PKHD1: variants seen among roughly 807,000 people sequenced by gnomAD.
PKHD1 encodes fibrocystin.
In PKHD1, 291 loss-of-function variants were observed where a neutral mutation model predicts 412.0. The ratio of observed to expected loss-of-function variants is 0.71; its 90% CI spans 0.64 to 0.78. The LOEUF is 0.78. Among genes scored for constraint, PKHD1 ranks in the 30% least tolerant of loss-of-function variants. PKHD1 has a pLI of 0.00. For synonymous variants in PKHD1, 1,777 were observed against 1,821.5 expected, an observed-to-expected ratio of 0.98 and a Z score of 0.62; for missense variants, 4,825 against 4,950.7, an observed-to-expected ratio of 0.97 and a Z score of 0.76.
intron 4 of PKHD1, among the ~76,000 whole-genome samples, chr6:52,080,239 T>G (rs563565972): frequency 1.2e-4 from 19 of 152,342 alleles, no homozygotes; most frequent in Non-Finnish European, 2.4e-4. Flanking sequence ...CCTGAATTGT[T>G]TTTAATATGT....
chr6:51,861,093 G>A (rs1224587664), intron 48 of PKHD1, among the ~76,000 whole-genome samples: 5 of 152,096 alleles, frequency 3.3e-5, no homozygotes, highest in African/African-American at 4.8e-5. Context: ...GATTACAGGC[G>A]TGAGCCACCA....
chr6:51,924,684 C>A (rs1227664266), intron 37 of PKHD1, among the ~76,000 whole-genome samples: 1 of 152,108 alleles, frequency 6.6e-6, no homozygotes, highest in Non-Finnish European at 1.5e-5. Context: ...CACAAGTTAT[C>A]TAAGAATTAA....
intron 62 of PKHD1, among the ~76,000 whole-genome samples, chr6:51,648,783 T>C (rs1770473797): frequency 6.6e-6 from 1 of 152,206 alleles, no homozygotes; most frequent in Non-Finnish European, 1.5e-5. Context: ...ATCTACTTCT[T>C]TGTGAAGGCT....
At chr6:52,083,432 G>A (rs1812326552) in intron 2 of PKHD1, among the ~76,000 whole-genome samples, 177 bp from the exon 3 acceptor site, 1 of 152,220 alleles carries the variant, frequency 6.6e-6, no homozygotes, top group South Asian at 2.1e-4. Flanking sequence ...GCAGGCCCAA[G>A]AATCTACATT....
At chr6:52,001,967 C>T (rs1798454489) in intron 35 of PKHD1, among the ~76,000 whole-genome samples, 1 of 152,132 alleles carries the variant, frequency 6.6e-6, no homozygotes, top group African/African-American at 2.4e-5. Context: ...AAATGATAAT[C>T]CCTGGCACAT....
At chr6:51,888,123 T>C (rs1778498088) in intron 43 of PKHD1, among the ~76,000 whole-genome samples, 1 of 152,244 alleles carries the variant, frequency 6.6e-6, no homozygotes, top group African/African-American at 2.4e-5. Flanking sequence ...ATTGGACCAG[T>C]CATGACTTAG....
At position 51,988,959 on chromosome 6, in the gene PKHD1, A is replaced by G. The variant is rs967496546; in HGVS notation, c.5751+21350T>C. Among the ~76,000 whole-genome samples the G allele has an allele frequency of 9.5e-4, 145 of 152,240 alleles. 3 individuals carry two copies. Among genetic ancestry groups the G allele is most frequent in the Admixed American group, 1.0e-3 (16 of 15,288 alleles). On this transcript the variant is annotated intron_variant, in intron 35 of 66. Coordinates refer to ENST00000371117, the MANE Select transcript of PKHD1 (RefSeq NM_138694.4). ...GCACTAGCTATAGAAAATCAACAAC[A>G]TAAGGCCAGGGGCTCACATTGTTAA...
At chr6:51,780,739 T>C (rs2151190739) in intron 53 of PKHD1, among the ~76,000 whole-genome samples, 1 of 152,212 alleles carries the variant, frequency 6.6e-6, no homozygotes. Context: ...TGTGTCATTT[T>C]CCACAATTAA....
chr6:51,639,047 AT>A (rs1768984088), intron 63 of PKHD1, 91 bp from the exon 64 acceptor site: 1 of 969,792 alleles, frequency 1.0e-6, no homozygotes, highest in Non-Finnish European at 1.7e-6. Context: ...CATTTGGACA[AT>A]AAAGGACAAT....
chr6:52,058,742 G>C, intron 15 of PKHD1, 141 bp from the exon 16 acceptor site: 1 of 756,220 alleles, frequency 1.3e-6, no homozygotes, highest in Non-Finnish European at 2.2e-6. Flanking sequence ...AGTTACCTCA[G>C]CCCTGTGGTT....
intron 56 of PKHD1, among the ~76,000 whole-genome samples, chr6:51,754,282 T>C (rs1195348259): frequency 6.6e-6 from 1 of 152,222 alleles, no homozygotes; most frequent in Non-Finnish European, 1.5e-5. Flanking sequence ...CTTTTTTCTT[T>C]CATTTTTTGC....
At position 51,791,271 on chromosome 6, in the gene PKHD1, G is replaced by A. The variant is rs1217640912; in HGVS notation, c.8405C>T (p.Ala2802Val). 1 of 1,613,804 alleles carries A rather than the reference G, an allele frequency of 6.2e-7. No individual in the cohort carries two copies. Among genetic ancestry groups the A allele is most frequent in the South Asian group, 1.1e-5 (1 of 91,088 alleles). ...CTCCCCGCCTGCAATGACCATGCATGCCACACTCAGAACATTGCTTCTGTC... is the reference window on the plus strand; with the variant it reads ...CTCCCCGCCTGCAATGACCATGCATACCACACTCAGAACATTGCTTCTGTC... ...PVDRSNVLSV[A>V]CMVIAGGELK... Residue 2802 changes from alanine to valine, a missense_variant, in exon 53 of 67, where the codon GCA (alanine) becomes GTA (valine). Transcript: ENST00000371117.
At chr6:52,007,191 C>T (rs935300522) in intron 35 of PKHD1, among the ~76,000 whole-genome samples, 1 of 152,176 alleles carries the variant, frequency 6.6e-6, no homozygotes, top group Non-Finnish European at 1.5e-5. Context: ...ACTTCTTTTT[C>T]TCTGGCTAGA....
At chr6:51,758,020 G>GAA (rs1192697687) in intron 55 of PKHD1, among the ~76,000 whole-genome samples, 5 of 53,762 alleles carry the variant, frequency 9.3e-5, no homozygotes, top group African/African-American at 2.3e-4. Context: ...CCAAAAGAGA[G>GAA]AGAGAGAGAG....
intron 63 of PKHD1, among the ~76,000 whole-genome samples, chr6:51,646,489 C>G (rs1770105133): frequency 6.6e-6 from 1 of 152,122 alleles, no homozygotes; most frequent in Non-Finnish European, 1.5e-5. Context: ...TCTTGTGACA[C>G]CCAGAACACA....
rs1768116667 is a variant in PKHD1 at position 51,830,846 on chromosome 6, G to A, written c.8302+15C>T. 1 of 1,610,454 alleles carries A rather than the reference G, an allele frequency of 6.2e-7. No homozygotes were observed. Among genetic ancestry groups the A allele is most frequent in the Non-Finnish European group, 8.5e-7 (1 of 1,177,206 alleles). ...CAGCCTGTCTGTGATTCATCTCTTG[G>A]GTAGTTTTACTCACTGGGTAAAATG... On this transcript the variant is annotated intron_variant, in intron 52 of 66. Coordinates refer to ENST00000371117, the MANE Select transcript of PKHD1 (RefSeq NM_138694.4).
intron 55 of PKHD1, among the ~76,000 whole-genome samples, chr6:51,762,812 G>C (rs1012886209): frequency 6.6e-6 from 1 of 151,926 alleles, no homozygotes; most frequent in African/African-American, 2.4e-5. Context: ...CCTAAATAAG[G>C]TCTGTAGCTC....
rs1435887338 is a variant in PKHD1 at position 52,082,382 on chromosome 6, A to T, written c.281+10T>A. Reference sequence around the variant, plus strand: ...TCCTGTCTGGTCTTCCTATTCCCAGACAGGTATACCTGGTCCGGCATGTCA... The same window carrying T: ...TCCTGTCTGGTCTTCCTATTCCCAGTCAGGTATACCTGGTCCGGCATGTCA... On this transcript the variant is annotated intron_variant, in intron 4 of 66. Coordinates refer to ENST00000371117, the MANE Select transcript of PKHD1 (RefSeq NM_138694.4). The T allele has an allele frequency of 6.2e-7, 1 of 1,613,806 alleles. No individual in the cohort carries two copies. The highest frequency in any genetic ancestry group is 8.5e-7 in the Non-Finnish European group (1 of 1,179,830).
chr6:51,868,965 A>G (rs1240060200), intron 47 of PKHD1, among the ~76,000 whole-genome samples: 1 of 152,126 alleles, frequency 6.6e-6, no homozygotes, highest in African/African-American at 2.4e-5. Flanking sequence ...CACATCTCCC[A>G]GTACACATAC....
Sources: gnomAD v4.1 joint callset for allele counts (sites outside exome capture counted in the v4.1 genomes callset) on GRCh38, gnomAD v4.1.1 for gene constraint, MANE v1.5 for transcripts, NCBI Gene and HGNC (gene_info 2026-07-23, HGNC 2026-07-21) for gene names.